The following ERG variants were observed in gnomAD, a reference collection of about 807,000 sequenced individuals.
ERG encodes the protein ETS transcription factor ERG.
Under a neutral mutation model 55.3 loss-of-function variants are expected in ERG, and 9 were observed. The observed-to-expected ratio is 0.16, with a 90% CI of 0.10 to 0.28. The LOEUF (loss-of-function observed/expected upper bound fraction) is 0.28. Among genes scored for constraint, ERG ranks in the 10% least tolerant of loss-of-function variants. The pLI, the probability that ERG is intolerant of heterozygous loss-of-function variation, is 1.00. For synonymous variants in ERG, 223 were observed against 237.3 expected, an observed-to-expected ratio of 0.94 and a Z score of 0.55; for missense variants, 434 against 631.6, an observed-to-expected ratio of 0.69 and a Z score of 3.35.
At chr21:38,429,742 T>TACACACACAC (rs377310789) in intron 2 of ERG, among the ~76,000 whole-genome samples, 1 of 105,894 alleles carries the variant, frequency 9.4e-6, no homozygotes, top group African/African-American at 3.6e-5. Context: ...TGTGTATATA[T>TACACACACAC]ATATACACAC....
chr21:38,441,244 C>T (rs559642400), intron 2 of ERG, among the ~76,000 whole-genome samples: 9 of 151,902 alleles, frequency 5.9e-5, no homozygotes, highest in Admixed American at 1.3e-4. Context: ...TTGGCCAGGC[C>T]GTAGCACCCA....
chr21:38,573,198 T>G (rs2059970306), intron 2 of ERG, among the ~76,000 whole-genome samples: 1 of 152,278 alleles, frequency 6.6e-6, no homozygotes, highest in Admixed American at 6.5e-5. Context: ...CAGGGACCTC[T>G]GCCCTTGAAA....
In ERG at chr21:38,504,039, T is replaced by G. The variant is rs368313047; in HGVS notation, c.-41+71623A>C. Among the ~76,000 whole-genome samples the G allele has an allele frequency of 5.3e-3, 806 of 152,150 alleles. 6 individuals are homozygous for G. Among genetic ancestry groups the G allele is most frequent in the African/African-American group, 0.017 (725 of 41,516 alleles). On this transcript the variant is annotated intron_variant, in intron 2 of 8. Coordinates refer to the ERG transcript ENST00000398897. ...GAGTGTGTGTATGAGGGTGTGTGTG[T>G]GGGGGGGTAGGGGAGTGCCATATCC...
chr21:38,659,293 T>A (rs944314117), intron 1 of ERG, among the ~76,000 whole-genome samples: 5 of 152,252 alleles, frequency 3.3e-5, no homozygotes, highest in Admixed American at 3.3e-4. Context: ...CTGCTAGAAT[T>A]ATAATTTCAA....
intron 1 of ERG, among the ~76,000 whole-genome samples, chr21:38,632,394 G>A (rs1601334103): frequency 6.6e-6 from 1 of 152,306 alleles, no homozygotes; most frequent in South Asian, 2.1e-4. Context: ...AGGATGTAGA[G>A]GAGGTAGAAC....
At chr21:38,422,944 T>C (rs1989612046) in intron 3 of ERG, among the ~76,000 whole-genome samples, 1 of 152,172 alleles carries the variant, frequency 6.6e-6, no homozygotes, top group African/African-American at 2.4e-5. Flanking sequence ...TTTGGAACAA[T>C]AATCTCCAAG....
intron 2 of ERG, among the ~76,000 whole-genome samples, chr21:38,436,761 G>A (rs2058793837): frequency 6.6e-6 from 1 of 152,176 alleles, no homozygotes; most frequent in Non-Finnish European, 1.5e-5. Context: ...CCCAGGTAGA[G>A]TTGATGGTAC....
At chr21:38,646,206 G>A (rs921703965) in intron 1 of ERG, among the ~76,000 whole-genome samples, 3 of 151,034 alleles carry the variant, frequency 2.0e-5, no homozygotes, top group Admixed American at 1.3e-4. Flanking sequence ...GCTTGAACCC[G>A]GAAGATGGAG....
intron 1 of ERG, among the ~76,000 whole-genome samples, chr21:38,582,179 T>C (rs2060033917): frequency 1.3e-5 from 2 of 152,214 alleles, no homozygotes; most frequent in African/African-American, 4.8e-5. Context: ...GCATAGCGTT[T>C]TCCTGAGTTC....
At chr21:38,626,776 T>G (rs983149103) in intron 1 of ERG, among the ~76,000 whole-genome samples, 2 of 152,208 alleles carry the variant, frequency 1.3e-5, no homozygotes, top group Non-Finnish European at 2.9e-5. Context: ...TAACCTTTAT[T>G]GATTGATTGA....
At chr21:38,596,696 C>G (rs974532057) in intron 1 of ERG, among the ~76,000 whole-genome samples, 1 of 152,178 alleles carries the variant, frequency 6.6e-6, no homozygotes, top group Non-Finnish European at 1.5e-5. Context: ...CTGGACATCT[C>G]TGAAATGCAA....
intron 2 of ERG, among the ~76,000 whole-genome samples, chr21:38,555,679 C>A (rs566935638): frequency 6.6e-6 from 1 of 152,112 alleles, no homozygotes; most frequent in African/African-American, 2.4e-5. Flanking sequence ...GAAAAATGGA[C>A]TAAGGACATG....
rs1200097417 is a variant in ERG at position 38,461,793 on chromosome 21, A to G, written c.19-16172T>C. On this transcript the variant is annotated intron_variant, in intron 1 of 9. Coordinates refer to ENST00000288319, the MANE Select transcript of ERG (RefSeq NM_182918.4). ...AATATCTCATTTGTGTTAACATGCAATGAGTTTATTTATTTATTTTTATTT... is the reference window on the plus strand; with the variant it reads ...AATATCTCATTTGTGTTAACATGCAGTGAGTTTATTTATTTATTTTTATTT... 4.6e-5 allele frequency among the ~76,000 whole-genome samples: 7 copies of G among 152,202 alleles called. No homozygotes were observed. In the East Asian group the frequency reaches 1.3e-3, roughly 29 times the overall value.
Position 38,445,636 on chromosome 21 carries a change from A to C in ERG, c.19-15T>G. 1 of 1,608,344 alleles carries C rather than the reference A, an allele frequency of 6.2e-7. No homozygotes were observed. The highest frequency in any genetic ancestry group is 8.5e-7 in the Non-Finnish European group (1 of 1,174,744). On this transcript the variant is annotated splice_polypyrimidine_tract_variant and intron_variant, in intron 1 of 9. Coordinates refer to ENST00000288319, the MANE Select transcript of ERG (RefSeq NM_182918.4). ...GATAAGGCTTCCTGAATGCCCAAAGAAACACATAATTCAAGACACTCCAAC... is the reference window on the plus strand; with the variant it reads ...GATAAGGCTTCCTGAATGCCCAAAGCAACACATAATTCAAGACACTCCAAC...
chr21:38,607,023 A>G (rs1246670160), intron 1 of ERG, among the ~76,000 whole-genome samples: 1 of 152,224 alleles, frequency 6.6e-6, no homozygotes, highest in Non-Finnish European at 1.5e-5. Flanking sequence ...GACAAAGACA[A>G]AGTATTAAAA....
At chr21:38,407,839 CT>C (rs1988848164) in intron 3 of ERG, among the ~76,000 whole-genome samples, 1 of 145,304 alleles carries the variant, frequency 6.9e-6, no homozygotes, top group Admixed American at 6.9e-5. Context: ...AATAAAACTA[CT>C]AAAATACTTT....
intron 1 of ERG, among the ~76,000 whole-genome samples, chr21:38,482,788 C>T (rs1437386319): frequency 2.0e-5 from 3 of 151,988 alleles, no homozygotes; most frequent in Admixed American, 6.6e-5. Flanking sequence ...AGTGATTCTC[C>T]TGTCTTAGCC....
At chr21:38,431,502 CATAA>C (rs2146525955) in intron 2 of ERG, among the ~76,000 whole-genome samples, 1 of 152,204 alleles carries the variant, frequency 6.6e-6, no homozygotes, top group African/African-American at 2.4e-5. Context: ...AAAATGATAA[CATAA>C]ATAATTAACA....
At chr21:38,552,931 T>A (rs1253355098) in intron 2 of ERG, among the ~76,000 whole-genome samples, 1 of 151,982 alleles carries the variant, frequency 6.6e-6, no homozygotes, top group Non-Finnish European at 1.5e-5. Context: ...GTGATTTATG[T>A]CTGGAAAACC....
Sources: allele counts gnomAD v4.1 joint callset (sites outside exome capture counted in the v4.1 genomes callset), GRCh38; gene constraint gnomAD v4.1.1; transcripts MANE v1.5; gene names NCBI Gene and HGNC (gene_info 2026-07-23, HGNC 2026-07-21).